SGK3: variants seen among roughly 807,000 people sequenced by gnomAD.
SGK3 encodes serine/threonine-protein kinase Sgk3.
A neutral mutation model predicts 68.5 loss-of-function variants in SGK3; 47 were observed. The ratio of observed to expected loss-of-function variants is 0.69; its 90% CI spans 0.54 to 0.87. The LOEUF (loss-of-function observed/expected upper bound fraction) is 0.87. SGK3 is among the 40% of genes least tolerant of loss of function. The probability of loss-of-function intolerance (pLI) is 0.00; values close to 1 mark genes in which losing one functional copy is unlikely to be tolerated. For missense variants in SGK3, 479 were observed against 575.5 expected, an observed-to-expected ratio of 0.83 and a Z score of 1.72; for synonymous variants, 181 against 189.1, an observed-to-expected ratio of 0.96 and a Z score of 0.35.
chr8:66,772,427 C>T (rs527491515), intron 1 of SGK3, among the ~76,000 whole-genome samples: 65 of 151,360 alleles, frequency 4.3e-4, no homozygotes, highest in Non-Finnish European at 5.9e-5. Flanking sequence ...CAGGGTCTCT[C>T]TCTGTCACCC....
chr8:66,779,564 AT>A (rs1806873718), intron 1 of SGK3, among the ~76,000 whole-genome samples: 3 of 28,162 alleles, frequency 1.1e-4, no homozygotes, highest in African/African-American at 1.8e-4. Flanking sequence ...GTGTGTGAAT[AT>A]ATATATATAT....
At chr8:66,791,596 A>G (rs955907179) in intron 1 of SGK3, among the ~76,000 whole-genome samples, 7 of 152,184 alleles carry the variant, frequency 4.6e-5, no homozygotes, top group Admixed American at 6.5e-5. Context: ...TGTCCCTTCC[A>G]AAAGGAGGAC....
chr8:66,748,207 T>C (rs1805705223), intron 1 of SGK3, among the ~76,000 whole-genome samples: 1 of 152,204 alleles, frequency 6.6e-6, no homozygotes, highest in Admixed American at 6.5e-5. Flanking sequence ...AGTAGAAAAT[T>C]ATATAATATA....
chr8:66,804,989 G>A (rs1808092180), intron 4 of SGK3, among the ~76,000 whole-genome samples: 2 of 152,044 alleles, frequency 1.3e-5, no homozygotes, highest in African/African-American at 4.8e-5. Flanking sequence ...TGAGGCGAGA[G>A]GATAGCTTGA....
intron 1 of SGK3, among the ~76,000 whole-genome samples, chr8:66,731,533 T>G (rs755960408): frequency 5.9e-5 from 9 of 152,142 alleles, no homozygotes; most frequent in South Asian, 2.1e-4. Flanking sequence ...TATTTATTTA[T>G]TTTGTTTGTT....
At chr8:66,815,691 T>G (rs1277188789) in intron 5 of SGK3, among the ~76,000 whole-genome samples, 1 of 152,208 alleles carries the variant, frequency 6.6e-6, no homozygotes, top group African/African-American at 2.4e-5. Flanking sequence ...ATGCAATAAA[T>G]GGTAGTGGTT....
At chr8:66,825,916 A>G (rs1210959168) in intron 6 of SGK3, among the ~76,000 whole-genome samples, 1 of 152,198 alleles carries the variant, frequency 6.6e-6, no homozygotes, top group African/African-American at 2.4e-5. Context: ...TTACATATTA[A>G]CATACTTCAG....
chr8:66,810,087 A>G (rs1400583613), intron 4 of SGK3, among the ~76,000 whole-genome samples: 1 of 152,222 alleles, frequency 6.6e-6, no homozygotes. Flanking sequence ...TCAAGAGAGA[A>G]GAAGAACTAA....
chr8:66,844,412 AT>A (rs1409858531), intron 14 of SGK3, among the ~76,000 whole-genome samples: 1 of 152,186 alleles, frequency 6.6e-6, no homozygotes, highest in Non-Finnish European at 1.5e-5. Context: ...CCCAGTTCTT[AT>A]TTAGTTAAAG....
chr8:66,720,781 T>A (rs1804772077), intron 1 of SGK3, among the ~76,000 whole-genome samples: 1 of 146,326 alleles, frequency 6.8e-6, no homozygotes, highest in Non-Finnish European at 1.5e-5. Flanking sequence ...AAAAAAAAAA[T>A]TATATATATA....
At chr8:66,729,174 G>A (rs1376065316) in intron 1 of SGK3, among the ~76,000 whole-genome samples, 4 of 151,126 alleles carry the variant, frequency 2.6e-5, no homozygotes, top group African/African-American at 9.7e-5. Context: ...AGCCGAGATC[G>A]CGCCTCTGCA....
At chr8:66,724,894 C>T (rs1804932669) in intron 1 of SGK3, among the ~76,000 whole-genome samples, 1 of 152,112 alleles carries the variant, frequency 6.6e-6, no homozygotes. Context: ...AGGTTCGAGT[C>T]CAGCCTGGCC....
At chr8:66,771,952 CATT>C (rs1806523748) in intron 1 of SGK3, among the ~76,000 whole-genome samples, 1 of 150,208 alleles carries the variant, frequency 6.7e-6, no homozygotes, top group African/African-American at 2.5e-5. Flanking sequence ...CCAGTCAAAG[CATT>C]TGGTTATCAT....
chr8:66,812,186 T>A (rs914084207), intron 4 of SGK3, among the ~76,000 whole-genome samples: 1 of 152,202 alleles, frequency 6.6e-6, no homozygotes, highest in African/African-American at 2.4e-5. Flanking sequence ...AGTGGAATAT[T>A]TTTTATGGGT....
At chr8:66,842,028 A>G (rs957264831) in intron 13 of SGK3, among the ~76,000 whole-genome samples, 2 of 152,192 alleles carry the variant, frequency 1.3e-5, no homozygotes, top group East Asian at 3.8e-4. Context: ...TGAGTTCAGA[A>G]ACTTAACTAA....
At position 66,822,332 on chromosome 8, in the gene SGK3, A is replaced by G. The variant is rs1329543803; in HGVS notation, c.330-40A>G. On this transcript the variant is annotated intron_variant, in intron 5 of 16. Transcript: ENST00000521198. ...TTTAAAAGGGAGAAAGGCTGTAGAA[A>G]TGCTTTTGAAGTTATAATAAAGTTA... is the stretch of plus-strand genomic sequence containing the variant. 3.2e-6 allele frequency: 5 copies of G among 1,564,820 alleles called. No homozygotes were observed. The African/African-American group carries it at 4.1e-5, about 13-fold the overall frequency.
chr8:66,736,075 G>C (rs1805308149), intron 1 of SGK3, among the ~76,000 whole-genome samples: 1 of 152,156 alleles, frequency 6.6e-6, no homozygotes, highest in African/African-American at 2.4e-5. Flanking sequence ...ATATTTAACA[G>C]TAGTTAAGAA....
intron 5 of SGK3, among the ~76,000 whole-genome samples, chr8:66,821,814 T>C (rs1322921641): frequency 1.3e-5 from 2 of 151,444 alleles, no homozygotes; most frequent in African/African-American, 4.9e-5. Flanking sequence ...CGTGAGCCAC[T>C]GTGCCTGGCC....
intron 1 of SGK3, among the ~76,000 whole-genome samples, chr8:66,747,844 A>T (rs1805695515): frequency 6.6e-6 from 1 of 152,204 alleles, no homozygotes; most frequent in African/African-American, 2.4e-5. Context: ...TTCATTTTTT[A>T]AAAGTCTATT....
Sources: allele counts gnomAD v4.1 joint callset (sites outside exome capture counted in the v4.1 genomes callset), GRCh38; gene constraint gnomAD v4.1.1; transcripts MANE v1.5; gene names NCBI Gene and HGNC (gene_info 2026-07-23, HGNC 2026-07-21).